MYO5A: variants seen among roughly 807,000 people sequenced by gnomAD.
The protein encoded by MYO5A is unconventional myosin-Va.
Under a neutral mutation model 249.7 loss-of-function variants are expected in MYO5A, and 98 were observed. That is an observed-to-expected ratio of 0.39 (90% confidence interval 0.33 to 0.46). The LOEUF is 0.46. MYO5A is among the 20% of genes least tolerant of loss of function. The probability of loss-of-function intolerance (pLI) is 0.98; values close to 1 mark genes in which losing one functional copy is unlikely to be tolerated. For missense variants in MYO5A, 1,696 were observed against 2,308.8 expected, an observed-to-expected ratio of 0.73 and a Z score of 5.44; for synonymous variants, 778 against 810.6, an observed-to-expected ratio of 0.96 and a Z score of 0.68.
At chr15:52,495,878 T>C (rs994336440) in intron 1 of MYO5A, among the ~76,000 whole-genome samples, 2 of 151,978 alleles carry the variant, frequency 1.3e-5, no homozygotes, top group African/African-American at 2.4e-5. Flanking sequence ...GAGTTTAAGT[T>C]AGAAAATTCA....
chr15:52,502,806 A>G (rs2077185671), intron 1 of MYO5A, among the ~76,000 whole-genome samples: 1 of 152,260 alleles, frequency 6.6e-6, no homozygotes, highest in South Asian at 2.1e-4. Context: ...TTAAGGAAAC[A>G]GAGATTGCCT....
intron 1 of MYO5A, among the ~76,000 whole-genome samples, chr15:52,480,813 T>C (rs928768711): frequency 6.6e-6 from 1 of 152,192 alleles, no homozygotes; most frequent in African/African-American, 2.4e-5. Context: ...ACAGTCAAAA[T>C]CTACAGTGCT....
chr15:52,458,328 C>A (rs747846083), intron 1 of MYO5A, among the ~76,000 whole-genome samples: 11 of 152,172 alleles, frequency 7.2e-5, no homozygotes, highest in Non-Finnish European at 1.6e-4. Flanking sequence ...GTAATCCCAG[C>A]ACTTTGAAAG....
chr15:52,418,629 G>C (rs933723452), intron 4 of MYO5A, among the ~76,000 whole-genome samples: 4 of 152,012 alleles, frequency 2.6e-5, no homozygotes, highest in African/African-American at 9.7e-5. Context: ...ATGATCATTA[G>C]GAGAAAACCA....
intron 22 of MYO5A, 132 bp from the exon 23 acceptor site, chr15:52,367,256 T>C (rs1005014907): frequency 1.3e-6 from 1 of 790,682 alleles, no homozygotes; most frequent in Non-Finnish European, 2.1e-6. Context: ...TGGTTATGTC[T>C]AGTCACCTTA....
chr15:52,415,676 G>A (rs2043448437), intron 5 of MYO5A, among the ~76,000 whole-genome samples: 1 of 152,160 alleles, frequency 6.6e-6, no homozygotes, highest in African/African-American at 2.4e-5. Flanking sequence ...ACTGAGGTCG[G>A]ACTAAGTACA....
intron 1 of MYO5A, among the ~76,000 whole-genome samples, chr15:52,498,951 T>C (rs1233831438): frequency 6.6e-6 from 1 of 152,216 alleles, no homozygotes; most frequent in East Asian, 1.9e-4. Context: ...CTCAGGAATG[T>C]AGTCAGGAAT....
At position 52,370,211 on chromosome 15, in the gene MYO5A, G is replaced by A; in HGVS notation, c.3024C>T (p.Cys1008=). The part of the protein sequence containing the change: ...DLEQTRSEKK[C]IEEHADRYKQ... ...TGTATCGATCTGCATGTTCCTCAATGCATTTTTTCTCTGAACGAGTTTGCT... is the reference window on the plus strand; with the variant it reads ...TGTATCGATCTGCATGTTCCTCAATACATTTTTTCTCTGAACGAGTTTGCT... Residue 1008 remains cysteine (C), a synonymous_variant, in exon 22 of 42, where the codon TGC becomes TGT. Transcript: ENST00000399233. The A allele has an allele frequency of 6.2e-7, 1 of 1,614,084 alleles. No homozygotes were observed. Among genetic ancestry groups the A allele is most frequent in the Non-Finnish European group, 8.5e-7 (1 of 1,179,990 alleles).
intron 14 of MYO5A, among the ~76,000 whole-genome samples, chr15:52,385,045 T>C (rs1276410684): frequency 6.6e-6 from 1 of 152,208 alleles, no homozygotes; most frequent in Admixed American, 6.5e-5. Flanking sequence ...TGTGAAAGAT[T>C]ATTAAAAGAT....
intron 1 of MYO5A, among the ~76,000 whole-genome samples, chr15:52,434,982 G>C (rs988625802): frequency 6.6e-6 from 1 of 152,182 alleles, no homozygotes; most frequent in African/African-American, 2.4e-5. Context: ...CTTTGAGAAG[G>C]AGCATTTGGA....
At chr15:52,497,151 G>A (rs535487115) in intron 1 of MYO5A, among the ~76,000 whole-genome samples, 54 of 152,170 alleles carry the variant, frequency 3.5e-4, no homozygotes, top group Non-Finnish European at 6.9e-4. Flanking sequence ...TAGTAGAGAT[G>A]AGGTTTTGCC....
intron 1 of MYO5A, among the ~76,000 whole-genome samples, chr15:52,486,824 A>G (rs1051732762): frequency 1.3e-5 from 2 of 152,198 alleles, no homozygotes; most frequent in Non-Finnish European, 2.9e-5. Context: ...TGCCCACTGG[A>G]ATCATCAAAG....
chr15:52,513,913 T>C (rs1354356937), intron 1 of MYO5A, among the ~76,000 whole-genome samples: 1 of 152,068 alleles, frequency 6.6e-6, no homozygotes, highest in Non-Finnish European at 1.5e-5. Flanking sequence ...TCATCTATAA[T>C]GACATGTTAA....
At chr15:52,461,266 T>A (rs1025007144) in intron 1 of MYO5A, among the ~76,000 whole-genome samples, 1 of 152,182 alleles carries the variant, frequency 6.6e-6, no homozygotes, top group Non-Finnish European at 1.5e-5. Flanking sequence ...AGGTATGTTT[T>A]GTAAAAAGGA....
chr15:52,485,650 G>A (rs373128550), intron 1 of MYO5A, among the ~76,000 whole-genome samples: 2 of 152,150 alleles, frequency 1.3e-5, no homozygotes, highest in African/African-American at 4.8e-5. Flanking sequence ...CTATGCTAAT[G>A]TAATTTTTCA....
intron 1 of MYO5A, among the ~76,000 whole-genome samples, chr15:52,490,788 C>CCTCAA (rs1204340312): frequency 3.9e-5 from 6 of 152,068 alleles, no homozygotes; most frequent in African/African-American, 1.4e-4. Context: ...GTGTGATGAT[C>CCTCAA]ACAGCTCACT....
At chr15:52,400,346 G>C (rs966998329) in intron 9 of MYO5A, among the ~76,000 whole-genome samples, 1 of 152,000 alleles carries the variant, frequency 6.6e-6, no homozygotes, top group African/African-American at 2.4e-5. Context: ...TAGGGGACTG[G>C]AGATTCATTT....
intron 24 of MYO5A, among the ~76,000 whole-genome samples, chr15:52,360,811 A>G (rs1179829934): frequency 6.6e-6 from 1 of 152,194 alleles, no homozygotes; most frequent in African/African-American, 2.4e-5. Flanking sequence ...AGAAGGGGTT[A>G]GAGAATAACT....
chr15:52,447,359 G>A (rs1377116472), intron 1 of MYO5A, among the ~76,000 whole-genome samples: 2 of 152,086 alleles, frequency 1.3e-5, no homozygotes, highest in Non-Finnish European at 2.9e-5. Flanking sequence ...ATGAGTGGAA[G>A]CTTCCTGAGG....
Sources: gnomAD v4.1 joint callset for allele counts (sites outside exome capture counted in the v4.1 genomes callset) on GRCh38, gnomAD v4.1.1 for gene constraint, MANE v1.5 for transcripts, NCBI Gene and HGNC (gene_info 2026-07-23, HGNC 2026-07-21) for gene names.